FNDC3A: variants seen among roughly 807,000 people sequenced by gnomAD.
FNDC3A encodes the protein fibronectin type III domain containing 3A, also known as fibronectin type-III domain-containing protein 3A.
In FNDC3A, 32 loss-of-function variants were observed where a neutral mutation model predicts 148.9. The ratio of observed to expected loss-of-function variants is 0.21; its 90% CI spans 0.16 to 0.29. The LOEUF (loss-of-function observed/expected upper bound fraction) is 0.29. FNDC3A is among the 10% of genes least tolerant of loss of function. FNDC3A has a pLI of 1.00. For missense variants in FNDC3A, 1,191 were observed against 1,452.8 expected (o/e 0.82, Z 2.93); for synonymous variants, 472 against 473.6 (o/e 1.00, Z 0.04).
chr13:49,119,453 T>C (rs1418412978), intron 4 of FNDC3A, among the ~76,000 whole-genome samples: 2 of 151,984 alleles, frequency 1.3e-5, no homozygotes, highest in African/African-American at 4.8e-5. Flanking sequence ...CACAGCTCCT[T>C]GCCAGCAAGT....
At chr13:49,195,472 G>A (rs936840037) in intron 19 of FNDC3A, among the ~76,000 whole-genome samples, 2 of 151,832 alleles carry the variant, frequency 1.3e-5, no homozygotes, top group South Asian at 4.1e-4. Context: ...ATTTTCTTTT[G>A]GAAAAACTTT....
At chr13:49,147,071 G>T (rs1030090776) in intron 8 of FNDC3A, among the ~76,000 whole-genome samples, 6 of 152,092 alleles carry the variant, frequency 3.9e-5, no homozygotes, top group African/African-American at 1.4e-4. Context: ...GTTACATAAG[G>T]TTATAAAAAT....
intron 2 of FNDC3A, among the ~76,000 whole-genome samples, chr13:49,065,982 AAATG>A (rs1877235242): frequency 6.6e-6 from 1 of 152,216 alleles, no homozygotes; most frequent in Admixed American, 6.5e-5. Context: ...AGTTTATGCT[AAATG>A]AATGTTATTC....
chr13:49,136,327 C>G lies in FNDC3A; in HGVS notation c.491-5C>G, dbSNP rs745642614. On this transcript the variant is annotated splice_polypyrimidine_tract_variant and splice_region_variant and intron_variant, in intron 5 of 25. Transcript: ENST00000492622. ...TCTTAACATTTTGTTTTTATTGCCT[C>G]CTAGATGCTCACTCTACACATGGAA... 6.2e-7 allele frequency: 1 copy of G among 1,610,390 alleles called. No individual in the cohort carries two copies. The highest frequency in any genetic ancestry group is 1.1e-5 in the South Asian group (1 of 90,638).
chr13:49,032,004 A>G (rs955402679), intron 2 of FNDC3A, among the ~76,000 whole-genome samples: 3 of 152,242 alleles, frequency 2.0e-5, no homozygotes, highest in African/African-American at 7.2e-5. Context: ...CATTTCTTCA[A>G]AGAAGTTATG....
chr13:49,061,208 C>A (rs1876664297), intron 2 of FNDC3A, among the ~76,000 whole-genome samples: 1 of 151,748 alleles, frequency 6.6e-6, no homozygotes. Context: ...CTCCCGGACT[C>A]AAGTAATCCC....
At chr13:49,113,067 C>T (rs1377128330) in intron 3 of FNDC3A, among the ~76,000 whole-genome samples, 1 of 148,292 alleles carries the variant, frequency 6.7e-6, no homozygotes, top group Non-Finnish European at 1.5e-5. Flanking sequence ...CTCCCCTCCC[C>T]CTTTCTCCTA....
intron 2 of FNDC3A, among the ~76,000 whole-genome samples, chr13:49,068,705 A>G (rs774064141): frequency 1.3e-5 from 2 of 152,256 alleles, no homozygotes; most frequent in Non-Finnish European, 2.9e-5. Flanking sequence ...CATATACACC[A>G]TGGAATACTA....
chr13:48,991,555 G>A (rs970921287), intron 1 of FNDC3A, among the ~76,000 whole-genome samples: 4 of 152,058 alleles, frequency 2.6e-5, no homozygotes, highest in African/African-American at 7.2e-5. Context: ...GGGTGTGGTG[G>A]CACACGCCTG....
In FNDC3A at chr13:49,187,464, T is replaced by C. The variant is rs879049651; in HGVS notation, c.1825+274T>C. 24 of 1,437,770 alleles carry C rather than the reference T, an allele frequency of 1.7e-5. 1 individual carries two copies. The South Asian group carries it at 2.6e-4, about 16-fold the overall frequency. The allele number at this position is 1,437,770 out of a possible 1,614,324, so 89.1% of individuals were successfully genotyped here. A position where few individuals can be genotyped will look rare whatever the true frequency, so the allele number is the denominator to read the frequency against. ...AATGCTCTTCATATCTGTTAATGGA[T>C]GAACTGAAACATCCTTATGTTTTAA... On this transcript the variant is annotated intron_variant, in intron 16 of 25. Transcript: ENST00000492622.
At chr13:49,059,842 C>A (rs998939704) in intron 2 of FNDC3A, among the ~76,000 whole-genome samples, 5 of 152,100 alleles carry the variant, frequency 3.3e-5, no homozygotes, top group African/African-American at 1.2e-4. Flanking sequence ...AAAGCCAGTC[C>A]AATTAAAACT....
intron 2 of FNDC3A, among the ~76,000 whole-genome samples, chr13:49,032,413 A>G (rs926412868): frequency 2.0e-5 from 3 of 152,232 alleles, no homozygotes; most frequent in South Asian, 2.1e-4. Flanking sequence ...AAAATATGGT[A>G]TATCAGTAAA....
At chr13:49,060,849 T>C (rs2137736311) in intron 2 of FNDC3A, among the ~76,000 whole-genome samples, 1 of 152,202 alleles carries the variant, frequency 6.6e-6, no homozygotes, top group Non-Finnish European at 1.5e-5. Flanking sequence ...GGGTAGAATG[T>C]AGAGTGACTG....
Position 49,197,726 on chromosome 13 carries a change from T to A in FNDC3A, c.2342T>A (p.Val781Asp), listed in dbSNP as rs752949279. The A allele has an allele frequency of 1.3e-6, 2 of 1,598,902 alleles. No individual in the cohort carries two copies. The highest frequency in any genetic ancestry group is 3.6e-5 in the Admixed American group (2 of 54,814). Residue 781 changes from valine to aspartate, a missense_variant and splice_region_variant, in exon 21 of 26, where the codon GTT (valine) becomes GAT (aspartate). Physicochemically the swap from Val to Asp is radical, Grantham distance 152. Transcript: ENST00000492622. ...SATCAQVNWE[V>D]PLSNGTDVTE... ...CTTTATCCTTTTCTTAATTTAAAGG[T>A]TCCTTTGAGTAATGGAACAGATGTC...
intron 1 of FNDC3A, among the ~76,000 whole-genome samples, chr13:48,997,788 G>T (rs1413981864): frequency 6.6e-6 from 1 of 152,030 alleles, no homozygotes; most frequent in Non-Finnish European, 1.5e-5. Context: ...TCAGTAAGAC[G>T]GTAATTGGTG....
At chr13:48,995,485 T>A (rs2137575724) in intron 1 of FNDC3A, among the ~76,000 whole-genome samples, 1 of 152,278 alleles carries the variant, frequency 6.6e-6, no homozygotes, top group African/African-American at 2.4e-5. Flanking sequence ...AAGCTGTCTT[T>A]TTTTAAATTT....
At chr13:49,156,173 C>A (rs1463118428) in intron 8 of FNDC3A, among the ~76,000 whole-genome samples, 7 of 148,972 alleles carry the variant, frequency 4.7e-5, no homozygotes, top group African/African-American at 1.8e-4. Context: ...TTGTAGGTCT[C>A]TAAGGACTTG....
chr13:49,066,183 TG>T (rs1246953301), intron 2 of FNDC3A, among the ~76,000 whole-genome samples: 1 of 152,196 alleles, frequency 6.6e-6, no homozygotes, highest in Non-Finnish European at 1.5e-5. Context: ...CTTAAAAAAC[TG>T]TATTCCTGTA....
intron 4 of FNDC3A, among the ~76,000 whole-genome samples, chr13:49,119,114 G>A (rs9535151): frequency 0.025 from 3,780 of 152,262 alleles, 65 homozygotes; most frequent in Non-Finnish European, 0.037. Flanking sequence ...GCTCCAGCTG[G>A]CATCTGGTGG....
Sources: allele counts gnomAD v4.1 joint callset (sites outside exome capture counted in the v4.1 genomes callset), GRCh38; gene constraint gnomAD v4.1.1; transcripts MANE v1.5; gene names NCBI Gene and HGNC (gene_info 2026-07-23, HGNC 2026-07-21).